HCN1: variants seen among roughly 807,000 people sequenced by gnomAD.
HCN1 encodes hyperpolarization activated cyclic nucleotide gated potassium channel 1.
Under a neutral mutation model 78.9 loss-of-function variants are expected in HCN1, and 13 were observed. That is an observed-to-expected ratio of 0.16 (90% CI 0.11 to 0.26). The LOEUF is 0.26. Ranked by LOEUF, HCN1 falls within the 10% of genes least tolerant of loss-of-function variation. The pLI, the probability that HCN1 is intolerant of heterozygous loss-of-function variation, is 1.00. For synonymous variants in HCN1, 552 were observed against 455.5 expected (o/e 1.21, Z -2.70); for missense variants, 810 against 1,154.3 (o/e 0.70, Z 4.32).
At chr5:45,524,523 T>G (rs538829738) in intron 2 of HCN1, among the ~76,000 whole-genome samples, 28 of 152,150 alleles carry the variant, frequency 1.8e-4, no homozygotes, top group Non-Finnish European at 3.7e-4. Flanking sequence ...TGTATCCTCT[T>G]TTATTTCATT....
At chr5:45,472,062 T>G (rs1741402884) in intron 2 of HCN1, among the ~76,000 whole-genome samples, 1 of 151,970 alleles carries the variant, frequency 6.6e-6, no homozygotes, top group Non-Finnish European at 1.5e-5. Context: ...AGGTCCTTTG[T>G]GATGTGGTCT....
intron 2 of HCN1, among the ~76,000 whole-genome samples, chr5:45,627,902 C>T (rs1281837160): frequency 6.6e-6 from 1 of 152,100 alleles, no homozygotes; most frequent in Non-Finnish European, 1.5e-5. Context: ...AAATGATCAC[C>T]TCCATAAGCC....
chr5:45,342,380 C>A (rs1158354187), intron 5 of HCN1, among the ~76,000 whole-genome samples: 1 of 150,498 alleles, frequency 6.6e-6, no homozygotes, highest in Non-Finnish European at 1.5e-5. Context: ...CAGGTGCATG[C>A]CACTACACCT....
Position 45,257,590 on chromosome 5 carries a change from C to T in HCN1, c.*4331G>A, listed in dbSNP as rs1008686078. 1 of 152,040 alleles carries T rather than the reference C, an allele frequency of 6.6e-6. No homozygotes were observed. The highest frequency in any genetic ancestry group is 1.5e-5 in the Non-Finnish European group (1 of 68,008). 9.4% of individuals were successfully genotyped at this position (152,040 alleles called of 1,614,324 possible). A position where few individuals can be genotyped will look rare whatever the true frequency, so the allele number is the denominator to read the frequency against. On this transcript the variant is annotated 3_prime_UTR_variant, in exon 8 of 8. Coordinates refer to ENST00000303230, the MANE Select transcript of HCN1 (RefSeq NM_021072.4). Reference sequence around the variant, plus strand: ...AATCTCCATTTGTCCCTGTCAAAGCCTGAATTGGAAGCAGGGTCAGCATTA... The same window carrying T: ...AATCTCCATTTGTCCCTGTCAAAGCTTGAATTGGAAGCAGGGTCAGCATTA...
At chr5:45,382,538 T>A (rs1432219601) in intron 4 of HCN1, among the ~76,000 whole-genome samples, 1 of 152,198 alleles carries the variant, frequency 6.6e-6, no homozygotes, top group Non-Finnish European at 1.5e-5. Context: ...CTTATTTGCT[T>A]CTTTTAAATT....
chr5:45,326,158 T>A (rs1746229783), intron 5 of HCN1, among the ~76,000 whole-genome samples: 1 of 151,656 alleles, frequency 6.6e-6, no homozygotes. Context: ...TACATTTATA[T>A]ATCACATTGC....
Position 45,695,795 on chromosome 5 carries a change from G to C in HCN1, c.299C>G (p.Ser100Cys). 1 of 1,611,098 alleles carries C rather than the reference G, an allele frequency of 6.2e-7. No homozygotes were observed. The highest frequency in any genetic ancestry group is 8.5e-7 in the Non-Finnish European group (1 of 1,179,580). The stretch of plus-strand genomic sequence containing the variant: ...TTTGTTGACCCCGGGCTGCAGCATG[G>C]AGGTGAACTGCCTCTGCATGAAGCC... ...QYGFMQRQFT[S>C]MLQPGVNKFS... The change falls in exon 1 of 8, where the codon TCC becomes TGC. Residue 100 changes from serine to cysteine, a missense_variant. Ser to Cys is a moderately radical substitution (Grantham distance 112). Coordinates refer to ENST00000303230, the MANE Select transcript of HCN1 (RefSeq NM_021072.4).
intron 5 of HCN1, among the ~76,000 whole-genome samples, chr5:45,350,513 A>G (rs1382115865): frequency 6.6e-6 from 1 of 151,846 alleles, no homozygotes; most frequent in Non-Finnish European, 1.5e-5. Context: ...TAGTGTTGGA[A>G]GTTCTGGCCA....
At chr5:45,510,831 C>T (rs1579940368) in intron 2 of HCN1, among the ~76,000 whole-genome samples, 1 of 152,020 alleles carries the variant, frequency 6.6e-6, no homozygotes, top group Non-Finnish European at 1.5e-5. Context: ...TATATCCCAT[C>T]CTCAATAGCT....
At chr5:45,310,060 T>C (rs1745820127) in intron 5 of HCN1, among the ~76,000 whole-genome samples, 2 of 151,968 alleles carry the variant, frequency 1.3e-5, no homozygotes, top group South Asian at 2.1e-4. Flanking sequence ...CCTAAAACTA[T>C]AAAAACCCTG....
At chr5:45,292,451 A>G (rs1745399035) in intron 6 of HCN1, among the ~76,000 whole-genome samples, 1 of 152,116 alleles carries the variant, frequency 6.6e-6, no homozygotes, top group Admixed American at 6.6e-5. Context: ...GTTCTGCTAG[A>G]CATCATTCCT....
At chr5:45,485,038 A>T (rs146993439) in intron 2 of HCN1, among the ~76,000 whole-genome samples, 173 of 152,290 alleles carry the variant, frequency 1.1e-3, no homozygotes, top group Non-Finnish European at 1.8e-3. Context: ...TAAACTCATT[A>T]TCCATACATA....
intron 3 of HCN1, among the ~76,000 whole-genome samples, chr5:45,416,546 T>A (rs1740123504): frequency 6.6e-6 from 1 of 152,032 alleles, no homozygotes; most frequent in South Asian, 2.1e-4. Flanking sequence ...TGTGTTCTAT[T>A]ACTCAGATTT....
rs1349980686 is a variant in HCN1, at chr5:45,474,058, T to C, written c.850-12051A>G. Among the ~76,000 whole-genome samples the C allele has an allele frequency of 4.6e-5, 7 of 151,862 alleles. No homozygotes were observed. The South Asian group carries it at 1.2e-3, about 27-fold the overall frequency. On this transcript the variant is annotated intron_variant, in intron 2 of 7. Coordinates refer to ENST00000303230, the MANE Select transcript of HCN1 (RefSeq NM_021072.4). ...TCATTCATATTGAGTATCCTCAAAA[T>C]GTTCACTCTCAGATCTCTCTAGTTC... is the stretch of plus-strand genomic sequence containing the variant.
intron 1 of HCN1, among the ~76,000 whole-genome samples, chr5:45,682,835 G>C (rs1401444603): frequency 6.6e-6 from 1 of 152,002 alleles, no homozygotes; most frequent in Non-Finnish European, 1.5e-5. Context: ...ATTTTAATGA[G>C]ATTATATTTG....
chr5:45,652,422 T>C (rs1189568757), intron 1 of HCN1, among the ~76,000 whole-genome samples: 1 of 151,944 alleles, frequency 6.6e-6, no homozygotes, highest in Non-Finnish European at 1.5e-5. Flanking sequence ...ACTCCTCTTC[T>C]ACCATTAACA....
At chr5:45,300,589 T>C (rs1745593472) in intron 6 of HCN1, among the ~76,000 whole-genome samples, 1 of 152,166 alleles carries the variant, frequency 6.6e-6, no homozygotes, top group Non-Finnish European at 1.5e-5. Flanking sequence ...AAATATGTTT[T>C]AATCAACTAT....
At chr5:45,581,786 C>T (rs1398329844) in intron 2 of HCN1, among the ~76,000 whole-genome samples, 4 of 152,066 alleles carry the variant, frequency 2.6e-5, no homozygotes, top group Non-Finnish European at 5.9e-5. Flanking sequence ...GAATCCTTTC[C>T]CCATTGCTTG....
chr5:45,419,117 C>T (rs1331056292), intron 3 of HCN1, among the ~76,000 whole-genome samples: 3 of 152,230 alleles, frequency 2.0e-5, no homozygotes, highest in South Asian at 2.1e-4. Flanking sequence ...GCATGTGGTA[C>T]ACTATGACAC....
Sources: gnomAD v4.1 joint callset for allele counts (sites outside exome capture counted in the v4.1 genomes callset) on GRCh38, gnomAD v4.1.1 for gene constraint, MANE v1.5 for transcripts, NCBI Gene and HGNC (gene_info 2026-07-23, HGNC 2026-07-21) for gene names.